The following TASP1 variants were observed in gnomAD, a reference collection of about 807,000 sequenced individuals.
TASP1 encodes threonine aspartase 1.
TASP1 carries 16 observed loss-of-function variants against 56.6 expected under a neutral mutation model. That is an observed-to-expected ratio of 0.28 (90% CI 0.19 to 0.43). The LOEUF (loss-of-function observed/expected upper bound fraction) is 0.43. Ranked by LOEUF, TASP1 falls within the 20% of genes least tolerant of loss-of-function variation. The pLI, the probability that TASP1 is intolerant of heterozygous loss-of-function variation, is 1.00. For missense variants in TASP1, 393 were observed against 511.6 expected (o/e 0.77, Z 2.24); for synonymous variants, 179 against 184.2 (o/e 0.97, Z 0.23).
intron 4 of TASP1, among the ~76,000 whole-genome samples, chr20:13,590,133 G>A (rs1223459558): frequency 6.6e-6 from 1 of 152,154 alleles, no homozygotes; most frequent in East Asian, 1.9e-4. Flanking sequence ...TCAGGAGGCT[G>A]AGGCACGAGA....
intron 4 of TASP1, among the ~76,000 whole-genome samples, chr20:13,589,044 T>C (rs1424190713): frequency 1.3e-5 from 2 of 150,910 alleles, no homozygotes; most frequent in African/African-American, 4.9e-5. Context: ...AAAGAAGGTA[T>C]AGTCTTTCGT....
intron 11 of TASP1, among the ~76,000 whole-genome samples, chr20:13,452,266 G>C (rs770491982): frequency 2.6e-5 from 4 of 151,976 alleles, no homozygotes; most frequent in South Asian, 2.1e-4. Flanking sequence ...AGTTGCCATA[G>C]ATCTTCAATT....
the TASP1 span, chr20:13,153,988 C>T: frequency 1.9e-6 from 3 of 1,612,796 alleles, no homozygotes; most frequent in Admixed American, 1.7e-5. Context: ...GGATTTCACG[C>T]CTGTCTCTTT....
Position 13,554,560 on chromosome 20 carries a change from T to G in TASP1, c.675+4448A>C, listed in dbSNP as rs142449953. 4.7e-3 allele frequency among the ~76,000 whole-genome samples: 716 copies of G among 151,476 alleles called. 4 individuals carry two copies. Among genetic ancestry groups the G allele is most frequent in the African/African-American group, 0.016 (641 of 41,328 alleles). The stretch of plus-strand genomic sequence containing the variant: ...ATAAAAAAATCCCAAATTTATCTAG[T>G]TTTTTTTTCACACTTTAAATTACAG... On this transcript the variant is annotated intron_variant, in intron 8 of 13. Coordinates refer to ENST00000337743, the MANE Select transcript of TASP1 (RefSeq NM_017714.3).
the TASP1 span, among the ~76,000 whole-genome samples, chr20:13,288,189 A>G: frequency 1.3e-5 from 2 of 152,212 alleles, no homozygotes; most frequent in South Asian, 4.1e-4. Flanking sequence ...CTGTATGTCA[A>G]TGAGAGGCTA....
intron 13 of TASP1, among the ~76,000 whole-genome samples, chr20:13,394,145 G>T (rs1030697987): frequency 5.5e-4 from 84 of 151,462 alleles, no homozygotes; most frequent in Non-Finnish European, 9.4e-4. Flanking sequence ...TTAGCTGGGT[G>T]TGGTGGTGCA....
chr20:13,497,993 G>T (rs902073127), intron 10 of TASP1, among the ~76,000 whole-genome samples: 5 of 152,068 alleles, frequency 3.3e-5, no homozygotes, highest in Non-Finnish European at 2.9e-5. Context: ...ACTCAAGGTG[G>T]ATCTCAAACT....
the TASP1 span, among the ~76,000 whole-genome samples, chr20:13,353,881 A>C: frequency 2.1e-4 from 32 of 152,318 alleles, no homozygotes; most frequent in Non-Finnish European, 4.0e-4. Context: ...TCCCACATAA[A>C]AGACAGAAAC....
the TASP1 span, among the ~76,000 whole-genome samples, chr20:13,267,206 GA>G: frequency 6.6e-6 from 1 of 152,194 alleles, no homozygotes; most frequent in African/African-American, 2.4e-5. Context: ...AATATGTTTT[GA>G]AAGAGGTGCA....
At chr20:13,205,906 A>G in the TASP1 span, among the ~76,000 whole-genome samples, 2 of 152,246 alleles carry the variant, frequency 1.3e-5, no homozygotes, top group South Asian at 2.1e-4. Flanking sequence ...ACAGTCCCCC[A>G]AGTTACACCC....
At chr20:13,112,086 C>T in the TASP1 span, among the ~76,000 whole-genome samples, 6,809 of 152,280 alleles carry the variant, frequency 0.045, 486 homozygotes, top group African/African-American at 0.15. Flanking sequence ...TAACAAACCA[C>T]CCAAAGCATA....
At chr20:13,360,241 C>G in the TASP1 span, among the ~76,000 whole-genome samples, 1 of 151,212 alleles carries the variant, frequency 6.6e-6, no homozygotes, top group Non-Finnish European at 1.5e-5. Flanking sequence ...TAATCCCAGC[C>G]TCTCTTCGCT....
chr20:13,510,675 T>A (rs2044294515), intron 10 of TASP1, among the ~76,000 whole-genome samples: 1 of 152,156 alleles, frequency 6.6e-6, no homozygotes. Context: ...CTCACATTAT[T>A]CTACCTTCAT....
chr20:13,562,637 G>C (rs2046379011), intron 7 of TASP1, among the ~76,000 whole-genome samples: 1 of 152,022 alleles, frequency 6.6e-6, no homozygotes, highest in Admixed American at 6.6e-5. Flanking sequence ...AGCACTTTGG[G>C]AAACCAATGT....
the TASP1 span, among the ~76,000 whole-genome samples, chr20:13,242,557 A>T: frequency 1.8e-4 from 27 of 152,160 alleles, no homozygotes; most frequent in Non-Finnish European, 2.9e-5. Context: ...GCTGAGTCCA[A>T]TTAAGTGTTC....
the TASP1 span, among the ~76,000 whole-genome samples, chr20:13,115,007 C>A: frequency 6.6e-6 from 1 of 152,206 alleles, no homozygotes; most frequent in Non-Finnish European, 1.5e-5. Context: ...CAAATTAACT[C>A]GTGGAATTAT....
intron 11 of TASP1, among the ~76,000 whole-genome samples, chr20:13,462,340 T>C (rs1011230701): frequency 6.6e-6 from 1 of 152,178 alleles, no homozygotes; most frequent in African/African-American, 2.4e-5. Context: ...TTGTATTTAA[T>C]TTTAGTTAAT....
chr20:13,289,048 G>A, the TASP1 span, among the ~76,000 whole-genome samples: 87,253 of 152,074 alleles, frequency 0.57, 25,810 homozygotes, highest in African/African-American at 0.72. Flanking sequence ...AGCCTCCCAA[G>A]GTGCTGGGAT....
the TASP1 span, among the ~76,000 whole-genome samples, chr20:13,208,721 T>C: frequency 6.6e-6 from 1 of 152,208 alleles, no homozygotes; most frequent in African/African-American, 2.4e-5. Context: ...AGTCTGCTGG[T>C]AAATGAGACA....
Sources: gnomAD v4.1 joint callset for allele counts (sites outside exome capture counted in the v4.1 genomes callset) on GRCh38, gnomAD v4.1.1 for gene constraint, MANE v1.5 for transcripts, NCBI Gene and HGNC (gene_info 2026-07-23, HGNC 2026-07-21) for gene names.